The following NEURL1 variants were observed in gnomAD, a reference collection of about 807,000 sequenced individuals.
NEURL1 encodes the protein E3 ubiquitin-protein ligase NEURL1.
A neutral mutation model predicts 41.2 loss-of-function variants in NEURL1; 26 were observed. That is an observed-to-expected ratio of 0.63 (90% confidence interval 0.46 to 0.87). NEURL1 has a LOEUF of 0.87. NEURL1 is among the 40% of genes least tolerant of loss of function. NEURL1 has a pLI of 0.00. For synonymous variants in NEURL1, 400 were observed against 402.3 expected, an observed-to-expected ratio of 0.99 and a Z score of 0.07; for missense variants, 761 against 871.1, an observed-to-expected ratio of 0.87 and a Z score of 1.59.
At position 103,558,760 on chromosome 10, in the gene NEURL1, G is replaced by A. The variant is rs557498629; in HGVS notation, c.86-12112G>A. On this transcript the variant is annotated intron_variant, in intron 1 of 5. Coordinates refer to ENST00000369780, the MANE Select transcript of NEURL1 (RefSeq NM_004210.5). This position sits in a 1 kb window ranked among gnomAD's most constrained non-coding sequence, Gnocchi z 4.2. Reference sequence around the variant, plus strand: ...GAGGGAGGCAGCAGTGACACTGGGAGGTCCCCCTCCTCTCGCCTCTGCCGT... The same window carrying A: ...GAGGGAGGCAGCAGTGACACTGGGAAGTCCCCCTCCTCTCGCCTCTGCCGT... Among the ~76,000 whole-genome samples the A allele has an allele frequency of 1.2e-4, 19 of 152,260 alleles. No individual in the cohort carries two copies. Among genetic ancestry groups the A allele is most frequent in the Middle Eastern group, 3.4e-3 (1 of 294 alleles).
intron 3 of NEURL1, 108 bp downstream of exon 3, chr10:103,571,930 C>A: frequency 1.8e-6 from 2 of 1,137,964 alleles, no homozygotes; most frequent in Non-Finnish European, 2.4e-6. Context: ...CCCTCTCTGA[C>A]TGGTGCCAAG....
At chr10:103,519,069 A>G (rs2034283479) in intron 1 of NEURL1, among the ~76,000 whole-genome samples, 2 of 152,088 alleles carry the variant, frequency 1.3e-5, no homozygotes, top group Admixed American at 1.3e-4. Flanking sequence ...ACATGGTGAA[A>G]CCCTGTCTCT....
intron 4 of NEURL1, among the ~76,000 whole-genome samples, chr10:103,586,541 T>C (rs7913690): frequency 0.032 from 4,826 of 152,254 alleles, 236 homozygotes; most frequent in African/African-American, 0.11. Context: ...GGAGGCTTGA[T>C]AGATAAGATA....
intron 1 of NEURL1, among the ~76,000 whole-genome samples, chr10:103,534,244 T>C (rs949921380): frequency 6.6e-6 from 1 of 151,296 alleles, no homozygotes; most frequent in Non-Finnish European, 1.5e-5. Flanking sequence ...TTTCTTGAAA[T>C]TTGTGGATTT....
chr10:103,558,775 G>T lies in NEURL1; in HGVS notation c.86-12097G>T, dbSNP rs1377227096. Among the ~76,000 whole-genome samples, 1 of 152,074 alleles carries T rather than the reference G, an allele frequency of 6.6e-6. No individual in the cohort carries two copies. Among genetic ancestry groups the T allele is most frequent in the East Asian group, 1.9e-4 (1 of 5,182 alleles). ...GACACTGGGAGGTCCCCCTCCTCTCGCCTCTGCCGTCCTCTCTTCTTCCTT... is the reference window on the plus strand; with the variant it reads ...GACACTGGGAGGTCCCCCTCCTCTCTCCTCTGCCGTCCTCTCTTCTTCCTT... On this transcript the variant is annotated intron_variant, in intron 1 of 5. Transcript: ENST00000369780. The surrounding 1 kb of genome is among the most constrained non-coding windows in gnomAD (Gnocchi z 4.2).
chr10:103,591,559 A>G lies in NEURL1; in HGVS notation c.*1187A>G, dbSNP rs1014488164. 1.3e-5 allele frequency: 2 copies of G among 152,182 alleles called. No homozygotes were observed. Among genetic ancestry groups the G allele is most frequent in the African/African-American group, 2.4e-5 (1 of 41,436 alleles). The allele number at this position is 152,182 out of a possible 1,614,324, so 9.4% of individuals were successfully genotyped here. On this transcript the variant is annotated 3_prime_UTR_variant, in exon 6 of 6. Coordinates refer to ENST00000369780, the MANE Select transcript of NEURL1 (RefSeq NM_004210.5). ...GCAGTATCTTCCCCTGACTCCAGCCACAAAGCTCATACCCAGCCCTACCAA... is the reference window on the plus strand; with the variant it reads ...GCAGTATCTTCCCCTGACTCCAGCCGCAAAGCTCATACCCAGCCCTACCAA...
intron 1 of NEURL1, among the ~76,000 whole-genome samples, chr10:103,534,162 A>T (rs1340621140): frequency 4.9e-5 from 7 of 143,610 alleles, no homozygotes. Context: ...CTTGATTTTT[A>T]TCAGATTGTC....
intron 1 of NEURL1, among the ~76,000 whole-genome samples, chr10:103,511,178 TAG>T (rs1396398084): frequency 1.3e-5 from 2 of 152,204 alleles, no homozygotes; most frequent in Non-Finnish European, 2.9e-5. Flanking sequence ...ATCTTTGGGA[TAG>T]AGTCCTTTCC....
intron 1 of NEURL1, among the ~76,000 whole-genome samples, chr10:103,569,473 C>T (rs747805676): frequency 2.0e-5 from 3 of 152,140 alleles, no homozygotes; most frequent in African/African-American, 7.2e-5. Flanking sequence ...TTTATGAAAC[C>T]AAGAGTCAAG....
chr10:103,536,430 G>A (rs928134507), intron 1 of NEURL1, among the ~76,000 whole-genome samples: 9 of 152,236 alleles, frequency 5.9e-5, no homozygotes, highest in Admixed American at 3.9e-4. Context: ...TGTAGTTCCA[G>A]CTACTTGGGA....
intron 1 of NEURL1, among the ~76,000 whole-genome samples, chr10:103,542,002 C>T (rs2034830309): frequency 6.6e-6 from 1 of 152,170 alleles, no homozygotes; most frequent in African/African-American, 2.4e-5. Context: ...CCCCTATGTT[C>T]TGTGGAGCAA....
chr10:103,557,416 G>T (rs2035180402), intron 1 of NEURL1, among the ~76,000 whole-genome samples: 1 of 152,152 alleles, frequency 6.6e-6, no homozygotes, highest in African/African-American at 2.4e-5. Context: ...GGGGCAGGAG[G>T]ATCACTTGCG....
In NEURL1 at chr10:103,585,159, G is replaced by C. The variant is rs1421640953; in HGVS notation, c.1273G>C (p.Asp425His). 1.9e-6 allele frequency: 3 copies of C among 1,590,438 alleles called. No individual in the cohort carries two copies. The highest frequency in any genetic ancestry group is 2.6e-6 in the Non-Finnish European group (3 of 1,174,476). The change falls in exon 4 of 6, where the codon GAC becomes CAC. Residue 425 changes from aspartate (D) to histidine (H), a missense_variant. By Grantham distance (81) the Asp-to-His change is moderately conservative. This residue lies in a region of NEURL1 where 443 missense variants were observed against 408.1 expected (regional missense o/e 1.09). Coordinates refer to ENST00000369780, the MANE Select transcript of NEURL1 (RefSeq NM_004210.5). ...GAAAGMQLCV[D>H]ASQPLWMLFG... ...GGCCGCCGGCATGCAGCTGTGCGTG[G>C]ACGCCTCGCAGCCGCTTTGGATGCT... is the stretch of plus-strand genomic sequence containing the variant.
chr10:103,584,610 G>T lies in NEURL1; in HGVS notation c.724G>T (p.Glu242Ter). 1 of 1,416,206 alleles carries T rather than the reference G, an allele frequency of 7.1e-7. No homozygotes were observed. 87.7% of individuals were successfully genotyped at this position (1,416,206 alleles called of 1,614,324 possible). Residue 242 changes from glutamate to a stop codon, truncating the protein, a stop_gained, in exon 4 of 6, where the codon GAG becomes TAG. Transcript: ENST00000369780. LOFTEE classifies it high-confidence loss of function. ...CCTGCGGCGGCCGTCGCTGCGGCGC[G>T]AGGCGGACGACGCGCGCCTCTCGGT... The part of the protein sequence containing the change: ...TALRRPSLRR[E>*]ADDARLSVSL...
At chr10:103,588,727 C>T (rs1462796143) in intron 4 of NEURL1, 3 of 428,450 alleles carry the variant, frequency 7.0e-6, no homozygotes, top group Admixed American at 2.5e-5. Flanking sequence ...TGGCAGATCA[C>T]GAGGTGAGGA....
chr10:103,574,739 G>T (rs949878039), intron 3 of NEURL1, among the ~76,000 whole-genome samples: 1 of 152,188 alleles, frequency 6.6e-6, no homozygotes, highest in Non-Finnish European at 1.5e-5. Flanking sequence ...CCCATCCTGG[G>T]CCAGAGCCCA....
rs2035155710 is a variant in NEURL1 at position 103,556,395 on chromosome 10, C to T, written c.86-14477C>T. 6.6e-6 allele frequency among the ~76,000 whole-genome samples: 1 copy of T among 152,046 alleles called. No individual in the cohort carries two copies. Among genetic ancestry groups the T allele is most frequent in the Admixed American group, 6.6e-5 (1 of 15,264 alleles). The stretch of plus-strand genomic sequence containing the variant: ...ACCTTGGGGAGTCCCTGACGCACTC[C>T]CCTATGTACCCTGCTCCCTGCTTGG... On this transcript the variant is annotated intron_variant, in intron 1 of 5. Coordinates refer to ENST00000369780, the MANE Select transcript of NEURL1 (RefSeq NM_004210.5). The surrounding 1 kb of genome is among the most constrained non-coding windows in gnomAD (Gnocchi z 4.4).
rs370714961 is a variant in NEURL1, at chr10:103,521,510, C to T, written c.85+27038C>T. On this transcript the variant is annotated intron_variant, in intron 1 of 5. Transcript: ENST00000369780. Reference sequence around the variant, plus strand: ...GGCCTGAACAATCCCTGACGAGTAGCAGAACAGCAGATGGAACACTGAGAA... The same window carrying T: ...GGCCTGAACAATCCCTGACGAGTAGTAGAACAGCAGATGGAACACTGAGAA... Among the ~76,000 whole-genome samples, 739 of 152,222 alleles carry T rather than the reference C, an allele frequency of 4.9e-3. 5 individuals are homozygous for T. Among genetic ancestry groups the T allele is most frequent in the African/African-American group, 0.016 (662 of 41,522 alleles).
chr10:103,538,223 T>C (rs1564814674), intron 1 of NEURL1, among the ~76,000 whole-genome samples: 1 of 151,518 alleles, frequency 6.6e-6, no homozygotes, highest in Non-Finnish European at 1.5e-5. Flanking sequence ...GCCTCCTGAG[T>C]AGTTGGGACT....
Sources: gnomAD v4.1 joint callset for allele counts (sites outside exome capture counted in the v4.1 genomes callset) on GRCh38, gnomAD v4.1.1 for gene constraint, gnomAD v4.1.1 regional missense constraint, Gnocchi (gnomAD v3.1) non-coding constraint, MANE v1.5 for transcripts, NCBI Gene and HGNC (gene_info 2026-07-23, HGNC 2026-07-21) for gene names.